The following BPTF variants were observed in gnomAD, a reference collection of about 807,000 sequenced individuals.
BPTF encodes the protein bromodomain PHD finger transcription factor.
A neutral mutation model predicts 292.5 loss-of-function variants in BPTF; 18 were observed. The observed-to-expected ratio is 0.06, with a 90% CI of 0.04 to 0.09. BPTF has a LOEUF of 0.09. Ranked by LOEUF, BPTF falls within the 10% of genes least tolerant of loss-of-function variation. The pLI, the probability that BPTF is intolerant of heterozygous loss-of-function variation, is 1.00. For missense variants in BPTF, 2,726 were observed against 3,498.7 expected (o/e 0.78, Z 5.57); for synonymous variants, 1,225 against 1,251.9 (o/e 0.98, Z 0.45).
intron 26 of BPTF, among the ~76,000 whole-genome samples, chr17:67,968,516 C>T (rs1213817593): frequency 4.0e-5 from 6 of 151,422 alleles, no homozygotes; most frequent in African/African-American, 7.3e-5. Flanking sequence ...CGGTGGCTCA[C>T]GCCTGTAATA....
At chr17:67,947,373 C>T (rs911595785) in intron 21 of BPTF, among the ~76,000 whole-genome samples, 10 of 152,092 alleles carry the variant, frequency 6.6e-5, no homozygotes, top group Non-Finnish European at 1.0e-4. Flanking sequence ...AAAAATACGG[C>T]CTTTGGAGAA....
chr17:67,874,823 T>C lies in BPTF; in HGVS notation c.1667T>C (p.Ile556Thr), dbSNP rs752915826. 5 of 1,604,756 alleles carry C rather than the reference T, an allele frequency of 3.1e-6. No individual in the cohort carries two copies. In the Admixed American group the frequency reaches 8.7e-5, roughly 28 times the overall value. The change falls in exon 4 of 28, where the codon ATT becomes ACT. Residue 556 changes from isoleucine (I) to threonine (T), a missense_variant. Around this residue, in one of 22 missense-constraint regions of BPTF, gnomAD observed 187 missense variants for 201.5 expected, o/e 0.93. Transcript: ENST00000306378. ...KSFLAAANEE[I>T]LESIRAKKGD... ...TTTGTTTTACACATTATAGAAGAAA[T>C]TTTGGAATCCATAAGAGCCAAAAAG...
In BPTF at chr17:67,825,710, C is replaced by A. The variant is rs943042791; in HGVS notation, c.-15C>A. 8 of 1,051,074 alleles carry A rather than the reference C, an allele frequency of 7.6e-6. No homozygotes were observed. The highest frequency in any genetic ancestry group is 5.2e-5 in the African/African-American group (3 of 57,966). 65.1% of individuals were successfully genotyped at this position (1,051,074 alleles called of 1,614,324 possible). A position where few individuals can be genotyped will look rare whatever the true frequency, so the allele number is the denominator to read the frequency against. Reference sequence around the variant, plus strand: ...TCCCCCTTCGCTTTCCTTCTCCCCCCGCCTCGGCTCCGACATGAGGGGCCG... The same window carrying A: ...TCCCCCTTCGCTTTCCTTCTCCCCCAGCCTCGGCTCCGACATGAGGGGCCG... On this transcript the variant is annotated 5_prime_UTR_variant, in exon 1 of 28. Coordinates refer to ENST00000306378, the MANE Select transcript of BPTF (RefSeq NM_182641.4).
intron 23 of BPTF, among the ~76,000 whole-genome samples, chr17:67,952,611 C>A (rs1195697798): frequency 5.3e-5 from 8 of 152,092 alleles, no homozygotes; most frequent in Admixed American, 4.6e-4. Context: ...CGTACAGTTC[C>A]CATATTATTC....
Position 67,912,519 on chromosome 17 carries a change from T to C in BPTF, c.4635T>C (p.Thr1545=), listed in dbSNP as rs780227412. The C allele has an allele frequency of 6.2e-7, 1 of 1,614,066 alleles. No individual in the cohort carries two copies. Among genetic ancestry groups the C allele is most frequent in the Admixed American group, 1.7e-5 (1 of 60,002 alleles). Residue 1545 remains threonine, a synonymous_variant, in exon 11 of 28, where the codon ACT becomes ACC. Coordinates refer to ENST00000306378, the MANE Select transcript of BPTF (RefSeq NM_182641.4). The part of the protein sequence containing the change: ...EIETSEVKKV[T]SSPITSEEES... ...AAACCTCAGAAGTTAAGAAAGTTAC[T>C]TCATCACCTATTACTTCTGAAGAGG...
At position 67,948,268 on chromosome 17, in the gene BPTF, A is replaced by C. The variant is rs1568150975; in HGVS notation, c.7888A>C (p.Arg2630=). 4 of 1,613,970 alleles carry C rather than the reference A, an allele frequency of 2.5e-6. No individual in the cohort carries two copies. The East Asian group carries it at 8.9e-5, about 36-fold the overall frequency. The change falls in exon 23 of 28, where the codon AGA becomes CGA. Residue 2630 remains arginine, a synonymous_variant. Transcript: ENST00000306378. ...EQLRAEILKK[R]ALLDKDLQIE... is the part of the protein sequence containing the mutation. ...GCTCAGAGCCGAGATCCTGAAGAAG[A>C]GAGCACTCCTGGACAAGGATCTGCA...
intron 1 of BPTF, among the ~76,000 whole-genome samples, chr17:67,827,836 T>G (rs1311463344): frequency 2.6e-5 from 4 of 152,124 alleles, no homozygotes; most frequent in Non-Finnish European, 5.9e-5. Flanking sequence ...GGGCAGGCTG[T>G]CTGGTGAATG....
intron 21 of BPTF, among the ~76,000 whole-genome samples, chr17:67,947,129 TA>T (rs2065871812): frequency 6.6e-6 from 1 of 152,210 alleles, no homozygotes; most frequent in Admixed American, 6.5e-5. Context: ...TTGCAATGAT[TA>T]AATGAGGTCA....
chr17:67,858,988 T>A (rs28609796), intron 2 of BPTF, among the ~76,000 whole-genome samples: 31,160 of 140,530 alleles, frequency 0.22, 3,972 homozygotes, highest in East Asian at 0.67. Context: ...ACCTGTAAAA[T>A]GAAGTAGTTG....
In BPTF at chr17:67,911,659, A is replaced by G. The variant is rs745794124; in HGVS notation, c.3775A>G (p.Lys1259Glu). 1.9e-6 allele frequency: 3 copies of G among 1,614,084 alleles called. No homozygotes were observed. In the East Asian group the frequency reaches 6.7e-5, roughly 36 times the overall value. Reference sequence around the variant, plus strand: ...GAGTGCTTTACATTCATCAGTGCCTAAAAGTACCAATGACAGAGATGCCAC... The same window carrying G: ...GAGTGCTTTACATTCATCAGTGCCTGAAAGTACCAATGACAGAGATGCCAC... ...SKSALHSSVP[K>E]STNDRDATPL... Residue 1259 changes from lysine to glutamate, a missense_variant, in exon 11 of 28, where the codon AAA becomes GAA. Transcript: ENST00000306378.
At chr17:67,930,339 C>G (rs1015438424) in intron 17 of BPTF, among the ~76,000 whole-genome samples, 3 of 151,858 alleles carry the variant, frequency 2.0e-5, no homozygotes, top group African/African-American at 7.2e-5. Context: ...GCTGGGATTA[C>G]AGGCACCCAC....
At position 67,855,251 on chromosome 17, in the gene BPTF, A is replaced by G. The variant is rs556852274; in HGVS notation, c.1436+489A>G. 2.4e-4 allele frequency among the ~76,000 whole-genome samples: 37 copies of G among 152,318 alleles called. 1 individual carries two copies. The South Asian group carries it at 7.5e-3, about 31-fold the overall frequency. ...GGGAGGCAGGGGCTGCAGTGAGCTG[A>G]GATCACACCACTGCATTCCAGCCTG... is the stretch of plus-strand genomic sequence containing the variant. On this transcript the variant is annotated intron_variant, in intron 2 of 27. Transcript: ENST00000306378.
intron 4 of BPTF, among the ~76,000 whole-genome samples, chr17:67,882,766 G>A (rs1301745715): frequency 1.3e-5 from 2 of 152,154 alleles, no homozygotes; most frequent in Non-Finnish European, 2.9e-5. Context: ...CAGCACTTTG[G>A]GAGGCCAAGA....
chr17:67,849,664 G>A (rs1249099170), intron 1 of BPTF, among the ~76,000 whole-genome samples: 5 of 152,026 alleles, frequency 3.3e-5, no homozygotes, highest in Admixed American at 6.6e-5. Context: ...TCGGCTGGGC[G>A]TGGTGGCTCA....
intron 19 of BPTF, among the ~76,000 whole-genome samples, chr17:67,942,588 C>T (rs574831246): frequency 1.4e-4 from 21 of 152,258 alleles, no homozygotes; most frequent in African/African-American, 5.1e-4. Context: ...AAAGTCAAAG[C>T]TGTGTATGCC....
chr17:67,888,475 A>T (rs1033109813), intron 4 of BPTF, among the ~76,000 whole-genome samples: 1 of 151,460 alleles, frequency 6.6e-6, no homozygotes, highest in African/African-American at 2.4e-5. Flanking sequence ...CTGTAATCCC[A>T]GCTACTGGGG....
rs1159190835 is a variant in BPTF at position 67,983,046 on chromosome 17, G to T, written c.*758G>T. 2 of 152,240 alleles carry T rather than the reference G, an allele frequency of 1.3e-5. No homozygotes were observed. Among genetic ancestry groups the T allele is most frequent in the African/African-American group, 4.8e-5 (2 of 41,442 alleles). The allele number at this position is 152,240 out of a possible 1,614,324, so 9.4% of individuals were successfully genotyped here. A position where few individuals can be genotyped will look rare whatever the true frequency, so the allele number is the denominator to read the frequency against. ...TAAAATGAGTAAAATCTATTTGAAG[G>T]TATCTTGTTTGTAAACATTTGTCAG... On this transcript the variant is annotated 3_prime_UTR_variant, in exon 28 of 28. Coordinates refer to ENST00000306378, the MANE Select transcript of BPTF (RefSeq NM_182641.4).
intron 18 of BPTF, among the ~76,000 whole-genome samples, chr17:67,940,097 C>A (rs1218431577): frequency 6.6e-6 from 1 of 151,952 alleles, no homozygotes; most frequent in African/African-American, 2.4e-5. Flanking sequence ...TATTATATTC[C>A]TAAGAAAAGG....
At chr17:67,948,600 A>G (rs1260618196) in intron 23 of BPTF, among the ~76,000 whole-genome samples, 1 of 152,220 alleles carries the variant, frequency 6.6e-6, no homozygotes, top group Non-Finnish European at 1.5e-5. Context: ...GACATAGTCT[A>G]GCCAAAAGTA....
Sources: allele counts gnomAD v4.1 joint callset (sites outside exome capture counted in the v4.1 genomes callset), GRCh38; gene constraint gnomAD v4.1.1; regional missense constraint gnomAD v4.1.1; transcripts MANE v1.5; gene names NCBI Gene and HGNC (gene_info 2026-07-23, HGNC 2026-07-21).